Variants in CIMIP2A observed in about 807,000 individuals in gnomAD.
CIMIP2A encodes family with sequence similarity 166 member A.
the CIMIP2A span, among the ~76,000 whole-genome samples, chr9:137,253,831 AAGGGCCCAGGGATCTGCTCACC>A: frequency 6.6e-6 from 1 of 152,136 alleles, no homozygotes; most frequent in Non-Finnish European, 1.5e-5. Flanking sequence ...AGACCTCAGG[AAGGGCCCAGGGATCTGCTCACC>A]AGGGCCCAGC....
the CIMIP2A span, chr9:137,244,553 G>A: frequency 8.3e-6 from 13 of 1,561,470 alleles, no homozygotes; most frequent in Admixed American, 1.3e-4. Flanking sequence ...AGGGAACCTG[G>A]CCTTCAAGGC....
chr9:137,251,172 A>C, the CIMIP2A span: 1 of 823,018 alleles, frequency 1.2e-6, no homozygotes, highest in East Asian at 2.5e-5. Flanking sequence ...GGCCCGGGGC[A>C]GCCCCTCCAG....
chr9:137,243,760 G>T, the CIMIP2A span: 3 of 1,614,040 alleles, frequency 1.9e-6, no homozygotes, highest in East Asian at 2.2e-5. Flanking sequence ...TGCTGTTGCC[G>T]AATGTCAGGG....
chr9:137,249,603 A>G, the CIMIP2A span, among the ~76,000 whole-genome samples: 1 of 152,064 alleles, frequency 6.6e-6, no homozygotes, highest in Non-Finnish European at 1.5e-5. Context: ...GGGTCTTAAG[A>G]CCCTTCCAGG....
At chr9:137,251,644 C>G in the CIMIP2A span, 1 of 1,455,486 alleles carries the variant, frequency 6.9e-7, no homozygotes, top group East Asian at 2.5e-5. Flanking sequence ...CTGGGAGCAG[C>G]CGGGGGCTGA....
the CIMIP2A span, chr9:137,243,840 A>C: frequency 2.5e-6 from 4 of 1,571,962 alleles, no homozygotes; most frequent in Non-Finnish European, 3.5e-6. Context: ...CAGGACCAGC[A>C]TGGGCTGGAC....
chr9:137,247,773 CT>C, the CIMIP2A span: 6 of 1,529,352 alleles, frequency 3.9e-6, no homozygotes, highest in Non-Finnish European at 5.4e-6. Flanking sequence ...GCTCCCTTCC[CT>C]GAGGGGAGTC....
chr9:137,252,472 T>C, the CIMIP2A span: 1 of 1,611,120 alleles, frequency 6.2e-7, no homozygotes, highest in Admixed American at 1.7e-5. Context: ...GACTTTGTGG[T>C]TCCAGAGCGA....
chr9:137,247,109 A>C, the CIMIP2A span, among the ~76,000 whole-genome samples: 1 of 152,022 alleles, frequency 6.6e-6, no homozygotes, highest in East Asian at 1.9e-4. Context: ...AACATAAAGA[A>C]ACCTCGTCCC....
the CIMIP2A span, chr9:137,247,714 A>AT: frequency 6.2e-7 from 1 of 1,613,330 alleles, no homozygotes; most frequent in South Asian, 1.1e-5. Flanking sequence ...AGTAGTTGTC[A>AT]TTTTGCTTTC....
At chr9:137,247,500 G>C in the CIMIP2A span, among the ~76,000 whole-genome samples, 3 of 152,210 alleles carry the variant, frequency 2.0e-5, no homozygotes, top group African/African-American at 7.2e-5. Context: ...CTGTCCCAGG[G>C]CTCCCCAGCC....
At chr9:137,252,550 C>T in the CIMIP2A span, 31 of 309,634 alleles carry the variant, frequency 1.0e-4, no homozygotes, top group East Asian at 3.0e-4. Context: ...AGGAAGGGGG[C>T]GGGGAGTCCA....
the CIMIP2A span, chr9:137,245,290 G>A: frequency 5.7e-6 from 9 of 1,581,328 alleles, no homozygotes; most frequent in Admixed American, 3.5e-5. Flanking sequence ...CTTGGCACTG[G>A]TGCATCCCCT....
At chr9:137,244,405 T>G in the CIMIP2A span, 5 of 1,566,120 alleles carry the variant, frequency 3.2e-6, no homozygotes, top group Middle Eastern at 1.7e-4. Context: ...CTGCTAATGC[T>G]CCCAGCCTTC....
the CIMIP2A span, among the ~76,000 whole-genome samples, chr9:137,248,468 A>AG: frequency 1.3e-5 from 2 of 150,092 alleles, no homozygotes; most frequent in East Asian, 2.0e-4. Flanking sequence ...GCGTGAACCC[A>AG]GGAGGTGGAG....
At chr9:137,243,817 G>T in the CIMIP2A span, 1 of 1,611,040 alleles carries the variant, frequency 6.2e-7, no homozygotes, top group Non-Finnish European at 8.5e-7. Flanking sequence ...CAGCTGAGCT[G>T]GGCTTATGTG....
chr9:137,244,571 A>G, the CIMIP2A span: 1,566 of 1,586,930 alleles, frequency 9.9e-4, 19 homozygotes, highest in Admixed American at 0.023. Flanking sequence ...GGCACCCTCC[A>G]GGGAAGCTGC....
chr9:137,244,946 G>A, the CIMIP2A span: 1 of 1,602,040 alleles, frequency 6.2e-7, no homozygotes, highest in Non-Finnish European at 8.5e-7. Flanking sequence ...CAGCTGGGAG[G>A]CAGAGGAGGT....
chr9:137,254,006 CCTGGCTGGGGCCTCCCTTGTCATCA>C, the CIMIP2A span, among the ~76,000 whole-genome samples: 700 of 152,320 alleles, frequency 4.6e-3, 3 homozygotes, highest in African/African-American at 0.016. Context: ...TGCAACTTCG[CCTGGCTGGGGCCTCCCTTGTCATCA>C]CTGGCCTGCC....
Sources: gnomAD v4.1 joint callset for allele counts (sites outside exome capture counted in the v4.1 genomes callset) on GRCh38, gnomAD v4.1.1 for gene constraint, MANE v1.5 for transcripts, NCBI Gene and HGNC (gene_info 2026-07-23, HGNC 2026-07-21) for gene names.